The following METTL9 variants were observed in gnomAD, a reference collection of about 807,000 sequenced individuals.
The protein encoded by METTL9 is methyltransferase 9, His-X-His N1(pi)-histidine, also known as protein-L-histidine N-pros-methyltransferase.
Under a neutral mutation model 36.0 loss-of-function variants are expected in METTL9, and 10 were observed. The ratio of observed to expected loss-of-function variants is 0.28; its 90% CI spans 0.17 to 0.47. The LOEUF (loss-of-function observed/expected upper bound fraction) is 0.47. Among genes scored for constraint, METTL9 ranks in the 20% least tolerant of loss-of-function variants. The probability of loss-of-function intolerance (pLI) is 0.99; values close to 1 mark genes in which losing one functional copy is unlikely to be tolerated. For synonymous variants in METTL9, 175 were observed against 149.7 expected, an observed-to-expected ratio of 1.17 and a Z score of -1.23; for missense variants, 246 against 383.5, an observed-to-expected ratio of 0.64 and a Z score of 3.00.
At chr16:21,611,828 G>A (rs1180342849) in intron 1 of METTL9, among the ~76,000 whole-genome samples, 1 of 152,120 alleles carries the variant, frequency 6.6e-6, no homozygotes, top group African/African-American at 2.4e-5. Flanking sequence ...CACCTCTCTG[G>A]TATGCTGACT....
At chr16:21,633,161 T>TGTA (rs2141598477) in intron 4 of METTL9, among the ~76,000 whole-genome samples, 1 of 152,264 alleles carries the variant, frequency 6.6e-6, no homozygotes, top group South Asian at 2.1e-4. Flanking sequence ...CAGTATAGGC[T>TGTA]GTATTTGTTC....
chr16:21,613,637 A>G (rs1965487115), intron 2 of METTL9, among the ~76,000 whole-genome samples: 1 of 152,164 alleles, frequency 6.6e-6, no homozygotes, highest in Non-Finnish European at 1.5e-5. Context: ...CATACTTCGC[A>G]GTGGCAAATT....
At chr16:21,607,537 A>G (rs1965320227) in intron 1 of METTL9, among the ~76,000 whole-genome samples, 1 of 152,118 alleles carries the variant, frequency 6.6e-6, no homozygotes, top group Non-Finnish European at 1.5e-5. Flanking sequence ...GAATATTGCT[A>G]TTTACTGTAA....
chr16:21,615,490 A>T (rs1199052345), intron 2 of METTL9, among the ~76,000 whole-genome samples: 2 of 152,024 alleles, frequency 1.3e-5, no homozygotes, highest in Non-Finnish European at 2.9e-5. Context: ...CGGCCTCCCA[A>T]AATGCTGGGA....
At chr16:21,601,455 T>C (rs889102146) in intron 1 of METTL9, among the ~76,000 whole-genome samples, 1 of 152,198 alleles carries the variant, frequency 6.6e-6, no homozygotes, top group African/African-American at 2.4e-5. Context: ...CTCTTAGCTA[T>C]TGGTATTTAT....
intron 4 of METTL9, chr16:21,642,367 T>C (rs1036652009): frequency 1.3e-5 from 2 of 152,194 alleles, no homozygotes; most frequent in Non-Finnish European, 2.9e-5. Context: ...TACACAAAGA[T>C]GACATGCAAA....
chr16:21,641,754 A>G (rs370810326), intron 4 of METTL9, among the ~76,000 whole-genome samples: 1 of 152,102 alleles, frequency 6.6e-6, no homozygotes, highest in African/African-American at 2.4e-5. Context: ...ATCCGTATTT[A>G]GAGTAGGATG....
intron 1 of METTL9, among the ~76,000 whole-genome samples, chr16:21,605,257 C>CTTTTTTTTTTTTTTTTTTTTTTTTTTTT (rs3046231): frequency 3.9e-5 from 2 of 51,236 alleles, no homozygotes; most frequent in African/African-American, 6.4e-5. Context: ...GGCTTGCCTT[C>CTTTTTTTTTTTTTTTTTTTTTTTTTTTT]TTTTTTTTTT....
chr16:21,612,214 C>A (rs1965441060), intron 1 of METTL9: 1 of 154,506 alleles, frequency 6.5e-6, no homozygotes, highest in Admixed American at 6.5e-5. Flanking sequence ...GTTTTCTTGT[C>A]TAAAAACAAG....
Position 21,599,782 on chromosome 16 carries a change from C to T in METTL9, c.49C>T (p.Leu17=). ...WLCLSLASVW[L]ARRMWTLRSP... ...GTGCCTGAGCCTGGCGTCCGTGTGGCTGGCGCGGAGGATGTGGACGCTGCG... is the reference window on the plus strand; with the variant it reads ...GTGCCTGAGCCTGGCGTCCGTGTGGTTGGCGCGGAGGATGTGGACGCTGCG... Residue 17 remains leucine (L), a synonymous_variant, in exon 1 of 5, where the codon CTG becomes TTG. Transcript: ENST00000358154. This position sits in a 1 kb window ranked among gnomAD's most constrained non-coding sequence, Gnocchi z 4.4. 1.3e-6 allele frequency: 2 copies of T among 1,548,288 alleles called. No homozygotes were observed. Among genetic ancestry groups the T allele is most frequent in the Non-Finnish European group, 8.7e-7 (1 of 1,154,170 alleles).
intron 4 of METTL9, among the ~76,000 whole-genome samples, chr16:21,651,162 G>T (rs1000074434): frequency 2.6e-5 from 4 of 152,180 alleles, no homozygotes; most frequent in African/African-American, 9.6e-5. Flanking sequence ...GGCGGAGCTT[G>T]CAGTGAGCCG....
intron 4 of METTL9, among the ~76,000 whole-genome samples, chr16:21,636,813 A>G (rs1324424595): frequency 1.3e-5 from 2 of 152,156 alleles, no homozygotes; most frequent in Non-Finnish European, 2.9e-5. Flanking sequence ...ACAGGTGCCC[A>G]GTATTTAGCC....
At chr16:21,633,059 A>C (rs1465015188) in intron 4 of METTL9, among the ~76,000 whole-genome samples, 2 of 152,084 alleles carry the variant, frequency 1.3e-5, no homozygotes, top group Non-Finnish European at 2.9e-5. Flanking sequence ...GGGCCTGGCT[A>C]TCTCGCTGTA....
At chr16:21,652,678 G>T in intron 4 of METTL9, 2 of 1,073,118 alleles carry the variant, frequency 1.9e-6, no homozygotes, top group African/African-American at 1.6e-5. Flanking sequence ...AAGAAGAGCT[G>T]AAGAGAGGAA....
At chr16:21,641,750 A>T (rs1454723606) in intron 4 of METTL9, among the ~76,000 whole-genome samples, 1 of 151,928 alleles carries the variant, frequency 6.6e-6, no homozygotes, top group Non-Finnish European at 1.5e-5. Context: ...CCCCATCCGT[A>T]TTTAGAGTAG....
chr16:21,648,021 A>G (rs996570227), intron 4 of METTL9, among the ~76,000 whole-genome samples: 1 of 152,082 alleles, frequency 6.6e-6, no homozygotes, highest in Non-Finnish European at 1.5e-5. Context: ...GCCATTCACA[A>G]TTGTTTCTTT....
chr16:21,632,957 T>C (rs1260241638), intron 4 of METTL9, among the ~76,000 whole-genome samples: 2 of 152,184 alleles, frequency 1.3e-5, no homozygotes, highest in Admixed American at 6.5e-5. Context: ...TACTAGGGCC[T>C]GCTTTAAGGT....
intron 1 of METTL9, among the ~76,000 whole-genome samples, chr16:21,609,138 A>T (rs1367473417): frequency 2.0e-5 from 3 of 152,068 alleles, no homozygotes; most frequent in Non-Finnish European, 4.4e-5. Flanking sequence ...TTTTGTGGTG[A>T]GTGGGTAGCT....
chr16:21,633,033 C>G (rs905903200), intron 4 of METTL9, among the ~76,000 whole-genome samples: 1 of 152,060 alleles, frequency 6.6e-6, no homozygotes, highest in Non-Finnish European at 1.5e-5. Flanking sequence ...TGGGTCTCCT[C>G]GATTAGAGTA....
Sources: gnomAD v4.1 joint callset for allele counts (sites outside exome capture counted in the v4.1 genomes callset) on GRCh38, gnomAD v4.1.1 for gene constraint, Gnocchi (gnomAD v3.1) non-coding constraint, MANE v1.5 for transcripts, NCBI Gene and HGNC (gene_info 2026-07-23, HGNC 2026-07-21) for gene names.